PCDHA12: variants seen among roughly 807,000 people sequenced by gnomAD.
PCDHA12 encodes protocadherin alpha-12.
Under a neutral mutation model 60.0 loss-of-function variants are expected in PCDHA12, and 44 were observed. The ratio of observed to expected loss-of-function variants is 0.73; its 90% CI spans 0.58 to 0.94. PCDHA12 has a LOEUF of 0.94. Ranked by LOEUF, PCDHA12 falls within the 40% of genes least tolerant of loss-of-function variation. The pLI is 0.00. For synonymous variants in PCDHA12, 569 were observed against 553.0 expected, an observed-to-expected ratio of 1.03 and a Z score of -0.40; for missense variants, 1,276 against 1,239.7, an observed-to-expected ratio of 1.03 and a Z score of -0.44.
At chr5:141,000,417 A>ATTTTT (rs1563652061) in intron 3 of PCDHA12, among the ~76,000 whole-genome samples, 3 of 77,750 alleles carry the variant, frequency 3.9e-5, no homozygotes, top group Non-Finnish European at 7.0e-5. Flanking sequence ...ATATATATAT[A>ATTTTT]TATATTTTTT....
chr5:140,984,392 G>C (rs914978799), intron 3 of PCDHA12, among the ~76,000 whole-genome samples: 1 of 152,156 alleles, frequency 6.6e-6, no homozygotes, highest in South Asian at 2.1e-4. Context: ...TTCAAAAAAT[G>C]TTGAGAACCT....
intron 1 of PCDHA12, among the ~76,000 whole-genome samples, chr5:140,949,308 G>T (rs1323575169): frequency 6.6e-6 from 1 of 151,722 alleles, no homozygotes; most frequent in African/African-American, 2.4e-5. Flanking sequence ...TGGGTGTAAT[G>T]ATTTATAAAT....
At position 141,011,460 on chromosome 5, in the gene PCDHA12, T is replaced by G. The variant is rs1285322141; in HGVS notation, c.*1523T>G. 6.5e-6 allele frequency: 1 copy of G among 153,832 alleles called. No homozygotes were observed. The highest frequency in any genetic ancestry group is 2.4e-5 in the African/African-American group (1 of 41,470). 9.5% of individuals were successfully genotyped at this position (153,832 alleles called of 1,614,324 possible). On this transcript the variant is annotated 3_prime_UTR_variant, in exon 4 of 4. Coordinates refer to ENST00000398631, the MANE Select transcript of PCDHA12 (RefSeq NM_018903.4). The stretch of plus-strand genomic sequence containing the variant: ...TAGAGTGAACTTTAAGCTTTATTGT[T>G]GAATGTAATTCCATTATATTTCCTT...
intron 1 of PCDHA12, among the ~76,000 whole-genome samples, chr5:140,964,823 G>A (rs541084771): frequency 2.6e-5 from 4 of 152,218 alleles, no homozygotes; most frequent in Non-Finnish European, 1.5e-5. Context: ...AGATTTTGAT[G>A]AAAATTGCTT....
chr5:141,000,136 G>A (rs2097893947), intron 3 of PCDHA12, among the ~76,000 whole-genome samples: 2 of 152,034 alleles, frequency 1.3e-5, no homozygotes, highest in South Asian at 4.1e-4. Flanking sequence ...TTCACAAGAA[G>A]TAAACAAAAC....
intron 1 of PCDHA12, chr5:140,884,652 G>A (rs2060303446): frequency 6.2e-7 from 1 of 1,603,582 alleles, no homozygotes; most frequent in Non-Finnish European, 8.5e-7. Flanking sequence ...GACTCAGAAT[G>A]CTTGAAAGAG....
intron 1 of PCDHA12, among the ~76,000 whole-genome samples, chr5:140,977,568 G>A (rs547387044): frequency 1.3e-5 from 2 of 152,312 alleles, no homozygotes; most frequent in East Asian, 1.9e-4. Context: ...TAGCAGATTG[G>A]TAGAATAGAG....
At chr5:140,949,663 T>C (rs1038571728) in intron 1 of PCDHA12, among the ~76,000 whole-genome samples, 2 of 151,872 alleles carry the variant, frequency 1.3e-5, no homozygotes, top group Non-Finnish European at 3.0e-5. Flanking sequence ...TTTGTTTCTT[T>C]AAAGTATGCC....
At chr5:141,007,980 A>G (rs533342900) in intron 3 of PCDHA12, among the ~76,000 whole-genome samples, 1 of 152,338 alleles carries the variant, frequency 6.6e-6, no homozygotes, top group East Asian at 1.9e-4. Context: ...TGTCATGTAT[A>G]TATGAAATGT....
At chr5:140,927,753 C>T (rs1435866827) in intron 1 of PCDHA12, 3 of 1,614,078 alleles carry the variant, frequency 1.9e-6, no homozygotes, top group Non-Finnish European at 2.5e-6. Flanking sequence ...TTCACGTGCA[C>T]CCTAAAAGTG....
At chr5:140,896,555 T>C (rs2065621728) in intron 1 of PCDHA12, among the ~76,000 whole-genome samples, 1 of 151,910 alleles carries the variant, frequency 6.6e-6, no homozygotes, top group African/African-American at 2.4e-5. Context: ...TTTTGTATTT[T>C]AAGTAGAGAT....
intron 1 of PCDHA12, chr5:140,968,791 C>G (rs2096270570): frequency 2.5e-6 from 4 of 1,614,076 alleles, no homozygotes; most frequent in Non-Finnish European, 3.4e-6. Flanking sequence ...CCTCTGTGGC[C>G]ATTACAGTAG....
chr5:140,883,031 G>A, intron 1 of PCDHA12: 1 of 1,614,078 alleles, frequency 6.2e-7, no homozygotes, highest in Non-Finnish European at 8.5e-7. Flanking sequence ...GTTAGAGAAC[G>A]CCTTCAATGG....
intron 2 of PCDHA12, among the ~76,000 whole-genome samples, chr5:140,980,472 A>G (rs782408123): frequency 6.6e-6 from 1 of 152,210 alleles, no homozygotes; most frequent in Non-Finnish European, 1.5e-5. Context: ...TCTACTAAAA[A>G]TACAAAAATT....
At chr5:140,892,350 T>C (rs1195187313) in intron 1 of PCDHA12, among the ~76,000 whole-genome samples, 1 of 152,262 alleles carries the variant, frequency 6.6e-6, no homozygotes, top group Non-Finnish European at 1.5e-5. Context: ...AATTGACTTT[T>C]GCCAGGCATC....
At chr5:140,943,501 T>C (rs1235998322) in intron 1 of PCDHA12, among the ~76,000 whole-genome samples, 1 of 152,088 alleles carries the variant, frequency 6.6e-6, no homozygotes, top group Non-Finnish European at 1.5e-5. Flanking sequence ...GCTATCAAGG[T>C]TCATGGAAAT....
At chr5:140,882,482 G>C (rs200256955) in intron 1 of PCDHA12, 38 of 1,613,930 alleles carry the variant, frequency 2.4e-5, no homozygotes, top group Admixed American at 8.3e-5. Flanking sequence ...CAAAAGACAC[G>C]GGGACCTTCT....
intron 3 of PCDHA12, among the ~76,000 whole-genome samples, chr5:140,983,788 C>T (rs1319880543): frequency 6.6e-6 from 1 of 152,144 alleles, no homozygotes; most frequent in Non-Finnish European, 1.5e-5. Context: ...TAACAGATGA[C>T]AGAATGTGTG....
At chr5:140,981,982 A>G (rs1026116713) in intron 2 of PCDHA12, among the ~76,000 whole-genome samples, 6 of 152,218 alleles carry the variant, frequency 3.9e-5, no homozygotes, top group Admixed American at 2.0e-4. Context: ...AAAGAGTAAA[A>G]TAGAAAATAA....
Sources: allele counts gnomAD v4.1 joint callset (sites outside exome capture counted in the v4.1 genomes callset), GRCh38; gene constraint gnomAD v4.1.1; transcripts MANE v1.5; gene names NCBI Gene and HGNC (gene_info 2026-07-23, HGNC 2026-07-21).